Variants in DNAH3 observed in about 807,000 individuals in gnomAD.
DNAH3 encodes the protein dynein axonemal heavy chain 3, also known as axonemal beta dynein heavy chain 3.
A neutral mutation model predicts 432.5 loss-of-function variants in DNAH3; 332 were observed. That is an observed-to-expected ratio of 0.77 (90% CI 0.70 to 0.84). DNAH3 has a LOEUF of 0.84. DNAH3 is among the 40% of genes least tolerant of loss of function. DNAH3 has a pLI of 0.00. For synonymous variants in DNAH3, 1,956 were observed against 1,900.2 expected (o/e 1.03, Z -0.76); for missense variants, 4,861 against 5,114.0 (o/e 0.95, Z 1.51).
chr16:21,104,481 G>C (rs900066821), exon 16 of DNAH3: 2 of 1,613,770 alleles, frequency 1.2e-6, no homozygotes. Flanking sequence ...CTTTTAATCA[G>C]ATCCATTTCT....
At chr16:21,024,124 C>T (rs559372377) in intron 39 of DNAH3, among the ~76,000 whole-genome samples, 2 of 152,258 alleles carry the variant, frequency 1.3e-5, no homozygotes, top group South Asian at 4.2e-4. Flanking sequence ...AGTGGTCGCT[C>T]ACAGTAGCTG....
chr16:20,959,610 A>ACACAC (rs2084723844), intron 53 of DNAH3, among the ~76,000 whole-genome samples: 9 of 137,640 alleles, frequency 6.5e-5, no homozygotes, highest in South Asian at 4.9e-4. Context: ...TCTCTATTTA[A>ACACAC]ACACACACAC....
At chr16:21,105,872 C>T (rs1362178627) in intron 15 of DNAH3, among the ~76,000 whole-genome samples, 1 of 151,982 alleles carries the variant, frequency 6.6e-6, no homozygotes, top group Non-Finnish European at 1.5e-5. Flanking sequence ...GACACAGATG[C>T]CAAGACAGGG....
chr16:21,145,400 T>C (rs367637769), exon 3 of DNAH3: 7 of 1,613,660 alleles, frequency 4.3e-6, no homozygotes, highest in African/African-American at 4.0e-5. Context: ...CTGTGTGACA[T>C]GACAGTCTAC....
chr16:21,035,962 G>A (rs78786332), intron 35 of DNAH3, among the ~76,000 whole-genome samples: 12,074 of 152,184 alleles, frequency 0.079, 671 homozygotes, highest in South Asian at 0.18. Context: ...TATAGTATCA[G>A]GTACTATGTG....
At chr16:21,129,414 G>A (rs2092509791) in intron 7 of DNAH3, 1 of 152,216 alleles carries the variant, frequency 6.6e-6, no homozygotes, top group Non-Finnish European at 1.5e-5. Flanking sequence ...GCCAGAATGG[G>A]TGAGTGCTCT....
intron 52 of DNAH3, among the ~76,000 whole-genome samples, chr16:20,968,580 A>C (rs1464982136): frequency 6.6e-6 from 1 of 152,156 alleles, no homozygotes; most frequent in African/African-American, 2.4e-5. Context: ...TCTAGGCTCA[A>C]CTGTAGAAGG....
intron 11 of DNAH3, among the ~76,000 whole-genome samples, chr16:21,119,328 G>A (rs1336259172): frequency 6.6e-6 from 1 of 152,168 alleles, no homozygotes; most frequent in Non-Finnish European, 1.5e-5. Flanking sequence ...TCTGTGAAAT[G>A]GAGTCAAGAA....
At chr16:21,010,808 CCA>C (rs761947424) in intron 41 of DNAH3, among the ~76,000 whole-genome samples, 31 of 151,994 alleles carry the variant, frequency 2.0e-4, no homozygotes, top group Non-Finnish European at 4.4e-4. Context: ...TCTCAAACTC[CCA>C]GGCTCAAGCG....
chr16:20,959,160 T>C lies in DNAH3; in HGVS notation c.10826+19A>G. ...GGAGGTTGGGTCCCAGAGAAGGCAG[T>C]GGTGGGACAGCATCTCACCTGAATC... On this transcript the variant is annotated intron_variant, in intron 54 of 61. Coordinates refer to ENST00000261383, the Ensembl canonical transcript of DNAH3. 3 of 1,607,472 alleles carry C rather than the reference T, an allele frequency of 1.9e-6. No individual in the cohort carries two copies. Among genetic ancestry groups the C allele is most frequent in the Non-Finnish European group, 8.5e-7 (1 of 1,173,986 alleles).
rs764450395 is a variant in DNAH3, at chr16:21,136,560, T to C, written c.697-47A>G. The stretch of plus-strand genomic sequence containing the variant: ...CGAGAAAATGGTCATGATTGGATCA[T>C]GGGTTCAACTGTCCTGCCCATCAGC... On this transcript the variant is annotated intron_variant, in intron 5 of 61. Coordinates refer to ENST00000261383, the Ensembl canonical transcript of DNAH3. 1.9e-6 allele frequency: 3 copies of C among 1,571,248 alleles called. No individual in the cohort carries two copies. In the South Asian group the frequency reaches 3.3e-5, roughly 17 times the overall value.
At chr16:20,988,971 C>T (rs2086380322) in intron 44 of DNAH3, among the ~76,000 whole-genome samples, 1 of 152,162 alleles carries the variant, frequency 6.6e-6, no homozygotes. Flanking sequence ...TCGCTGGCTT[C>T]AAGAGTGAAG....
intron 37 of DNAH3, among the ~76,000 whole-genome samples, chr16:21,030,770 C>T (rs1421684411): frequency 6.6e-6 from 1 of 152,156 alleles, no homozygotes; most frequent in Non-Finnish European, 1.5e-5. Flanking sequence ...TACAACACAG[C>T]TCAGTTGCAG....
intron 18 of DNAH3, among the ~76,000 whole-genome samples, chr16:21,093,732 T>C (rs569373983): frequency 2.0e-5 from 3 of 152,326 alleles, no homozygotes; most frequent in African/African-American, 7.2e-5. Context: ...GCTTGACATA[T>C]AGATTGGCAG....
chr16:21,140,637 C>T (rs766898700), exon 5 of DNAH3: 2 of 1,614,176 alleles, frequency 1.2e-6, no homozygotes, highest in East Asian at 2.2e-5. Flanking sequence ...GGTCTGCTTC[C>T]TGGGAACGTC....
intron 12 of DNAH3, among the ~76,000 whole-genome samples, chr16:21,116,084 C>T (rs1321028729): frequency 6.6e-6 from 1 of 152,172 alleles, no homozygotes; most frequent in Non-Finnish European, 1.5e-5. Flanking sequence ...GAGCTGCAGT[C>T]CAAAAACTCT....
intron 1 of DNAH3, among the ~76,000 whole-genome samples, chr16:21,156,889 G>A (rs941787436): frequency 2.0e-5 from 3 of 151,028 alleles, no homozygotes; most frequent in Non-Finnish European, 4.4e-5. Context: ...TCACAGAGAC[G>A]CCCCTAGATG....
At chr16:21,068,533 T>C (rs891387131) in intron 23 of DNAH3, among the ~76,000 whole-genome samples, 6 of 152,312 alleles carry the variant, frequency 3.9e-5, no homozygotes, top group Non-Finnish European at 7.4e-5. Flanking sequence ...CAGGCTGGTC[T>C]CCAACTCCTG....
At chr16:21,022,014 G>C in exon 40 of DNAH3, 1 of 1,614,036 alleles carries the variant, frequency 6.2e-7, no homozygotes. Flanking sequence ...AGGCAAGGTG[G>C]ATGGGAGATG....
Sources: gnomAD v4.1 joint callset for allele counts (sites outside exome capture counted in the v4.1 genomes callset) on GRCh38, gnomAD v4.1.1 for gene constraint, MANE v1.5 for transcripts, NCBI Gene and HGNC (gene_info 2026-07-23, HGNC 2026-07-21) for gene names.